RTTN: variants seen among roughly 807,000 people sequenced by gnomAD.
The protein encoded by RTTN is rotatin.
RTTN carries 182 observed loss-of-function variants against 269.2 expected under a neutral mutation model. The ratio of observed to expected loss-of-function variants is 0.68; its 90% confidence interval spans 0.60 to 0.76. The LOEUF (loss-of-function observed/expected upper bound fraction) is 0.76. Ranked by LOEUF, RTTN falls within the 30% of genes least tolerant of loss-of-function variation. RTTN has a pLI of 0.00. For missense variants in RTTN, 2,545 were observed against 2,608.6 expected (o/e 0.98, Z 0.53); for synonymous variants, 1,006 against 963.5 (o/e 1.04, Z -0.82).
chr18:70,056,200 G>A (rs1042053958), intron 37 of RTTN, among the ~76,000 whole-genome samples: 2 of 152,168 alleles, frequency 1.3e-5, no homozygotes, highest in Non-Finnish European at 2.9e-5. Flanking sequence ...GTAAAGCAGA[G>A]GCTCAAGAAT....
chr18:70,041,278 G>T (rs1202122291), intron 40 of RTTN, among the ~76,000 whole-genome samples: 2 of 151,820 alleles, frequency 1.3e-5, no homozygotes, highest in Non-Finnish European at 2.9e-5. Flanking sequence ...GCAATTGGGA[G>T]CAGGGTTGGG....
chr18:70,105,466 C>T lies in RTTN; in HGVS notation c.3903+4032G>A, dbSNP rs539523976. Among the ~76,000 whole-genome samples, 16 of 152,344 alleles carry T rather than the reference C, an allele frequency of 1.1e-4. No homozygotes were observed. The East Asian group carries it at 3.1e-3, about 29-fold the overall frequency. ...CTTCCTGGGTGAGGCGATGCCCCGC[C>T]CTGCTTCTGCTCACAGTCCGTGGGC... On this transcript the variant is annotated intron_variant, in intron 28 of 48. Coordinates refer to ENST00000640769, the MANE Select transcript of RTTN (RefSeq NM_173630.4).
chr18:70,190,012 T>C (rs575982954), intron 9 of RTTN, among the ~76,000 whole-genome samples: 1 of 152,286 alleles, frequency 6.6e-6, no homozygotes, highest in Admixed American at 6.5e-5. Context: ...AGAATCCAGT[T>C]TTGGAGTTTT....
At chr18:70,107,263 G>A (rs117679337) in intron 28 of RTTN, among the ~76,000 whole-genome samples, 2,256 of 152,330 alleles carry the variant, frequency 0.015, 29 homozygotes, top group Middle Eastern at 0.078. Flanking sequence ...GCTCCTAACT[G>A]ACTTCCTAAT....
intron 19 of RTTN, among the ~76,000 whole-genome samples, chr18:70,140,799 C>T (rs1047506978): frequency 6.6e-6 from 1 of 152,080 alleles, no homozygotes; most frequent in African/African-American, 2.4e-5. Context: ...TATGTATAGA[C>T]ATGTGCACAC....
chr18:70,081,433 TACAAAGGACAAAACA>T lies in RTTN; in HGVS notation c.4374+5165_4374+5179del. Among the ~76,000 whole-genome samples, 5 of 152,264 alleles carry T rather than the reference TACAAAGGACAAAACA, an allele frequency of 3.3e-5. No homozygotes were observed. In the Middle Eastern group the frequency reaches 0.017, roughly 518 times the overall value. On this transcript the variant is annotated intron_variant, in intron 32 of 48. Coordinates refer to ENST00000640769, the MANE Select transcript of RTTN (RefSeq NM_173630.4). ...CTTCCAAAAGAAAAAACTGTAACTT[TACAAAGGACAAAACA>T]GGCAGATTCTATCTTTACTAAGTAA... is the stretch of plus-strand genomic sequence containing the variant.
At chr18:70,140,590 TA>T (rs2060231872) in intron 19 of RTTN, among the ~76,000 whole-genome samples, 1 of 152,112 alleles carries the variant, frequency 6.6e-6, no homozygotes, top group South Asian at 2.1e-4. Context: ...AGCTCATGTG[TA>T]AAATATGACT....
At chr18:70,128,641 C>A in intron 23 of RTTN, 95 bp from the exon 24 acceptor site, 1 of 903,788 alleles carries the variant, frequency 1.1e-6, no homozygotes, top group South Asian at 1.6e-5. Flanking sequence ...CAATGCCTCC[C>A]AACCCACAAT....
chr18:70,074,328 C>G (rs1291685902), intron 33 of RTTN, among the ~76,000 whole-genome samples: 3 of 151,954 alleles, frequency 2.0e-5, no homozygotes, highest in Non-Finnish European at 4.4e-5. Context: ...GGGCCATGCT[C>G]TAAGTAACTG....
rs1175711746 is a variant in RTTN, at chr18:70,155,763, T to C, written c.1930-5030A>G. 3.3e-5 allele frequency among the ~76,000 whole-genome samples: 5 copies of C among 152,366 alleles called. No homozygotes were observed. In the East Asian group the frequency reaches 5.8e-4, roughly 18 times the overall value. On this transcript the variant is annotated intron_variant, in intron 14 of 48. Coordinates refer to ENST00000640769, the MANE Select transcript of RTTN (RefSeq NM_173630.4). Reference sequence around the variant, plus strand: ...CGAACGGAGGGACCGGCTGAAGCCATGGGAGAAGAATGTGGATTGTGAAGA... The same window carrying C: ...CGAACGGAGGGACCGGCTGAAGCCACGGGAGAAGAATGTGGATTGTGAAGA...
At chr18:70,178,265 G>A (rs575179366) in intron 10 of RTTN, among the ~76,000 whole-genome samples, 1 of 152,054 alleles carries the variant, frequency 6.6e-6, no homozygotes, top group Non-Finnish European at 1.5e-5. Flanking sequence ...CATTCAAAAG[G>A]AATTAAATTC....
chr18:70,006,750 T>C (rs1238397233), intron 46 of RTTN: 1 of 384,220 alleles, frequency 2.6e-6, no homozygotes, highest in African/African-American at 2.0e-5. Context: ...GGCACATTCA[T>C]TTAAAGACCA....
At chr18:70,052,052 A>G (rs2057685887) in intron 38 of RTTN, among the ~76,000 whole-genome samples, 1 of 152,222 alleles carries the variant, frequency 6.6e-6, no homozygotes, top group Non-Finnish European at 1.5e-5. Context: ...AAAGAAAAGT[A>G]TGACGCAAAA....
intron 14 of RTTN, among the ~76,000 whole-genome samples, chr18:70,158,016 A>C (rs2060728918): frequency 6.6e-6 from 1 of 152,186 alleles, no homozygotes; most frequent in African/African-American, 2.4e-5. Context: ...AGCAACTTGG[A>C]AGGCATATTT....
At chr18:70,058,049 G>T (rs2057868251) in intron 36 of RTTN, among the ~76,000 whole-genome samples, 1 of 152,190 alleles carries the variant, frequency 6.6e-6, no homozygotes. Context: ...AGAGAAAAGT[G>T]AGAAGCAAAG....
intron 10 of RTTN, among the ~76,000 whole-genome samples, chr18:70,184,716 T>TTTTTGTGTGTG (rs59000945): frequency 2.5e-3 from 84 of 33,412 alleles, no homozygotes; most frequent in African/African-American, 4.7e-3. Context: ...TTTTTTTTTT[T>TTTTTGTGTGTG]TGTGTGTGTG....
intron 2 of RTTN, 93 bp from the exon 3 acceptor site, chr18:70,204,356 G>T: frequency 7.9e-7 from 1 of 1,259,268 alleles, no homozygotes; most frequent in Non-Finnish European, 1.1e-6. Flanking sequence ...TGGTATATCA[G>T]ATGTTCCTTT....
At chr18:70,173,944 A>G (rs559418804) in intron 11 of RTTN, among the ~76,000 whole-genome samples, 2 of 152,306 alleles carry the variant, frequency 1.3e-5, no homozygotes, top group South Asian at 4.1e-4. Flanking sequence ...ACAACATTCA[A>G]AACAGGCCAA....
chr18:70,155,813 C>T (rs2060659634), intron 14 of RTTN, among the ~76,000 whole-genome samples: 1 of 152,174 alleles, frequency 6.6e-6, no homozygotes, highest in Non-Finnish European at 1.5e-5. Flanking sequence ...ATTAGTTCTC[C>T]AAATTAATAC....
Sources: allele counts gnomAD v4.1 joint callset (sites outside exome capture counted in the v4.1 genomes callset), GRCh38; gene constraint gnomAD v4.1.1; transcripts MANE v1.5; gene names NCBI Gene and HGNC (gene_info 2026-07-23, HGNC 2026-07-21).